Variants in CHD6 observed in about 807,000 individuals in gnomAD.
CHD6 encodes chromodomain helicase DNA binding protein 6, also known as ATP-dependent chromatin remodeler CHD6.
A neutral mutation model predicts 276.9 loss-of-function variants in CHD6; 50 were observed. The ratio of observed to expected loss-of-function variants is 0.18; its 90% CI spans 0.14 to 0.23. The LOEUF is 0.23. Ranked by LOEUF, CHD6 falls within the 10% of genes least tolerant of loss-of-function variation. The probability of loss-of-function intolerance (pLI) is 1.00; values close to 1 mark genes in which losing one functional copy is unlikely to be tolerated. For missense variants in CHD6, 2,564 were observed against 3,365.8 expected, an observed-to-expected ratio of 0.76 and a Z score of 5.89; for synonymous variants, 1,173 against 1,229.3, an observed-to-expected ratio of 0.95 and a Z score of 0.96.
intron 2 of CHD6, among the ~76,000 whole-genome samples, chr20:41,543,852 A>G (rs991713697): frequency 6.6e-6 from 1 of 152,206 alleles, no homozygotes; most frequent in African/African-American, 2.4e-5. Flanking sequence ...AAAGTTACAA[A>G]CCATATCAAA....
At chr20:41,453,002 CA>C in intron 20 of CHD6, 60 bp from the exon 21 acceptor site, 2 of 1,334,820 alleles carry the variant, frequency 1.5e-6, no homozygotes, top group South Asian at 1.2e-5. Context: ...TTTCACAAAG[CA>C]TAAGTGTATC....
chr20:41,466,520 G>A (rs973367842), intron 17 of CHD6, among the ~76,000 whole-genome samples: 5 of 152,112 alleles, frequency 3.3e-5, no homozygotes, highest in African/African-American at 9.7e-5. Context: ...TATCTTTAGC[G>A]GTAGCAAATC....
At chr20:41,520,293 C>T (rs1271025292) in intron 3 of CHD6, among the ~76,000 whole-genome samples, 1 of 152,128 alleles carries the variant, frequency 6.6e-6, no homozygotes, top group Non-Finnish European at 1.5e-5. Flanking sequence ...AGTAGAAATA[C>T]CATTTGACCC....
At chr20:41,419,553 T>A (rs1271249513) in intron 31 of CHD6, among the ~76,000 whole-genome samples, 2 of 18,600 alleles carry the variant, frequency 1.1e-4, no homozygotes, top group South Asian at 2.3e-3. Flanking sequence ...AGACTCTGTC[T>A]CAAAAAAAAA....
chr20:41,491,928 A>C, intron 10 of CHD6, 109 bp from the exon 11 acceptor site: 1 of 1,210,488 alleles, frequency 8.3e-7, no homozygotes. Flanking sequence ...GCTGGTTTCA[A>C]ACTATAGTTA....
At chr20:41,582,592 T>C (rs753664268) in intron 1 of CHD6, among the ~76,000 whole-genome samples, 1 of 151,974 alleles carries the variant, frequency 6.6e-6, no homozygotes, top group Non-Finnish European at 1.5e-5. Flanking sequence ...TCAAAAACTA[T>C]AAGGCATATG....
rs559710026 is a variant in CHD6 at position 41,454,563 on chromosome 20, G to C, written c.3120+63C>G. The C allele has an allele frequency of 8.9e-4, 1,132 of 1,269,956 alleles. 18 individuals are homozygous for C. In the South Asian group the frequency reaches 0.014, roughly 16 times the overall value. The allele number at this position is 1,269,956 out of a possible 1,614,324, so 78.7% of individuals were successfully genotyped here. A position where few individuals can be genotyped will look rare whatever the true frequency, so the allele number is the denominator to read the frequency against. On this transcript the variant is annotated intron_variant, in intron 20 of 36. Coordinates refer to ENST00000373233, the MANE Select transcript of CHD6 (RefSeq NM_032221.5). Reference sequence around the variant, plus strand: ...GTAAATAATGACTTGAGCTGTGTAGGAATTTATTGTCATGTATGACATAAG... The same window carrying C: ...GTAAATAATGACTTGAGCTGTGTAGCAATTTATTGTCATGTATGACATAAG...
chr20:41,439,084 G>A (rs919151713), intron 26 of CHD6, among the ~76,000 whole-genome samples: 4 of 152,206 alleles, frequency 2.6e-5, no homozygotes, highest in African/African-American at 9.6e-5. Context: ...TTGGCCGGGT[G>A]TGGTGGCTCA....
chr20:41,481,209 T>C (rs148473109), intron 16 of CHD6, among the ~76,000 whole-genome samples: 83 of 151,834 alleles, frequency 5.5e-4, no homozygotes, highest in Middle Eastern at 3.4e-3. Context: ...AATTTAAGCT[T>C]AAGTTCAGGC....
chr20:41,509,359 T>C (rs1283901439), intron 5 of CHD6, among the ~76,000 whole-genome samples: 3 of 152,098 alleles, frequency 2.0e-5, no homozygotes, highest in Non-Finnish European at 4.4e-5. Flanking sequence ...AAGATACAAA[T>C]CCTACACTAA....
intron 23 of CHD6, among the ~76,000 whole-genome samples, chr20:41,450,103 T>C (rs776237776): frequency 2.0e-5 from 3 of 152,174 alleles, no homozygotes; most frequent in Non-Finnish European, 2.9e-5. Context: ...GAAAGGATTA[T>C]ACTTTATCTG....
rs200157881 is a variant in CHD6, at chr20:41,548,695, C to G, written c.33+2610G>C. 3.9e-5 allele frequency among the ~76,000 whole-genome samples: 6 copies of G among 152,120 alleles called. No homozygotes were observed. The East Asian group carries it at 5.8e-4, about 15-fold the overall frequency. On this transcript the variant is annotated intron_variant, in intron 2 of 36. Coordinates refer to ENST00000373233, the MANE Select transcript of CHD6 (RefSeq NM_032221.5). Reference sequence around the variant, plus strand: ...TGCACAGCAAAAGAAACTACCATCACAGTGAACAGGCAACCTACAAAATGG... The same window carrying G: ...TGCACAGCAAAAGAAACTACCATCAGAGTGAACAGGCAACCTACAAAATGG...
intron 1 of CHD6, among the ~76,000 whole-genome samples, chr20:41,580,773 A>G (rs899676867): frequency 2.0e-5 from 3 of 152,222 alleles, no homozygotes; most frequent in African/African-American, 7.2e-5. Flanking sequence ...GTAAGAATGA[A>G]TATAGTTTTA....
intron 1 of CHD6, among the ~76,000 whole-genome samples, chr20:41,565,345 C>T (rs1251763783): frequency 3.3e-5 from 5 of 152,158 alleles, no homozygotes; most frequent in East Asian, 1.9e-4. Flanking sequence ...CCACCCGCCT[C>T]GGCCTCCCAA....
chr20:41,465,060 T>C (rs2042890524), intron 17 of CHD6, among the ~76,000 whole-genome samples: 1 of 152,136 alleles, frequency 6.6e-6, no homozygotes, highest in Admixed American at 6.5e-5. Flanking sequence ...TACTAATAAA[T>C]GTAGAAGGGA....
intron 3 of CHD6, among the ~76,000 whole-genome samples, chr20:41,519,154 A>G (rs2044323982): frequency 6.6e-6 from 1 of 152,188 alleles, no homozygotes; most frequent in Admixed American, 6.5e-5. Flanking sequence ...ATGGTGGCGC[A>G]GGCCTGTGGT....
At chr20:41,418,799 C>G (rs1265518875) in intron 31 of CHD6, among the ~76,000 whole-genome samples, 1 of 152,150 alleles carries the variant, frequency 6.6e-6, no homozygotes, top group Non-Finnish European at 1.5e-5. Context: ...TGCAAAAGCA[C>G]TTTTAAAAGC....
rs746586316 is a variant in CHD6 at position 41,487,813 on chromosome 20, G to A, written c.1858-5C>T. ...AGTGAGAAGCACTTTATGTTCCTGC[G>A]CAAATTAAACATACATGATGGACAG... is the stretch of plus-strand genomic sequence containing the variant. On this transcript the variant is annotated splice_polypyrimidine_tract_variant and splice_region_variant and intron_variant, in intron 13 of 36. Transcript: ENST00000373233. The A allele has an allele frequency of 1.9e-6, 3 of 1,606,662 alleles. No individual in the cohort carries two copies. Among genetic ancestry groups the A allele is most frequent in the Admixed American group, 1.7e-5 (1 of 57,616 alleles).
Position 41,421,205 on chromosome 20 carries a change from T to C in CHD6, c.5430A>G (p.Leu1810=). The C allele has an allele frequency of 6.2e-7, 1 of 1,613,688 alleles. No homozygotes were observed. Among genetic ancestry groups the C allele is most frequent in the Middle Eastern group, 1.7e-4 (1 of 6,060 alleles). Residue 1810 remains leucine (L), a synonymous_variant, in exon 31 of 37, where the codon TTA becomes TTG. Coordinates refer to ENST00000373233, the MANE Select transcript of CHD6 (RefSeq NM_032221.5). Reference sequence around the variant, plus strand: ...TTCCTGGATTCAAGGAAGGGGAAGCTAAACACTTGGCTTCCAGCTGGCCAA... The same window carrying C: ...TTCCTGGATTCAAGGAAGGGGAAGCCAAACACTTGGCTTCCAGCTGGCCAA... The part of the protein sequence containing the change: ...ENIGQLEAKC[L]ASPSLNPGNE...
Sources: gnomAD v4.1 joint callset for allele counts (sites outside exome capture counted in the v4.1 genomes callset) on GRCh38, gnomAD v4.1.1 for gene constraint, MANE v1.5 for transcripts, NCBI Gene and HGNC (gene_info 2026-07-23, HGNC 2026-07-21) for gene names.